Variants in ZNF532 observed in about 807,000 individuals in gnomAD.
ZNF532 encodes zinc finger protein 532.
ZNF532 carries 22 observed loss-of-function variants against 89.3 expected under a neutral mutation model. The ratio of observed to expected loss-of-function variants is 0.25; its 90% CI spans 0.18 to 0.35. ZNF532 has a LOEUF of 0.35. ZNF532 is among the 10% of genes least tolerant of loss of function. ZNF532 has a pLI of 1.00. For synonymous variants in ZNF532, 606 were observed against 649.6 expected, an observed-to-expected ratio of 0.93 and a Z score of 1.02; for missense variants, 1,132 against 1,643.4, an observed-to-expected ratio of 0.69 and a Z score of 5.38.
At chr18:58,909,068 A>T (rs1390122418) in intron 2 of ZNF532, among the ~76,000 whole-genome samples, 3 of 151,996 alleles carry the variant, frequency 2.0e-5, no homozygotes, top group African/African-American at 7.2e-5. Context: ...ATTCTCCTGC[A>T]TCAGCCTCCT....
In ZNF532 at chr18:58,984,262, G is replaced by A; in HGVS notation, c.3702G>A (p.Val1234=). The stretch of plus-strand genomic sequence containing the variant: ...ACAAGTTAAAGGAACCTCAGCCAGT[G>A]TCCAAGCAAAATGGGGCTGGGGAAG... ...IVHKLKEPQP[V]SKQNGAGEDN... The change falls in exon 10 of 10, where the codon GTG becomes GTA. Residue 1234 remains valine (V), a synonymous_variant. Transcript: ENST00000591808. 6.2e-7 allele frequency: 1 copy of A among 1,612,026 alleles called. No individual in the cohort carries two copies. The highest frequency in any genetic ancestry group is 1.1e-5 in the South Asian group (1 of 90,988).
At chr18:58,945,280 G>A (rs999134354) in intron 5 of ZNF532, among the ~76,000 whole-genome samples, 1 of 152,210 alleles carries the variant, frequency 6.6e-6, no homozygotes, top group African/African-American at 2.4e-5. Flanking sequence ...ATGTGCTCTT[G>A]GTGGCAATGC....
intron 5 of ZNF532, chr18:58,940,324 A>G (rs1161663302): frequency 2.6e-5 from 4 of 152,198 alleles, no homozygotes; most frequent in Admixed American, 6.5e-5. Context: ...GATGAAGGCA[A>G]CTTAAGACAC....
intron 3 of ZNF532, among the ~76,000 whole-genome samples, chr18:58,933,097 G>T (rs2062094200): frequency 6.6e-6 from 1 of 152,080 alleles, no homozygotes; most frequent in Admixed American, 6.6e-5. Flanking sequence ...ATGTTAACAG[G>T]ATCTGTTATT....
intron 7 of ZNF532, among the ~76,000 whole-genome samples, chr18:58,955,579 ATTTG>A (rs1297509070): frequency 6.6e-6 from 1 of 152,198 alleles, no homozygotes; most frequent in Non-Finnish European, 1.5e-5. Flanking sequence ...TATTTGTACT[ATTTG>A]TTTGAGCTGC....
At chr18:58,972,797 C>T (rs1386716318) in intron 7 of ZNF532, among the ~76,000 whole-genome samples, 1 of 152,230 alleles carries the variant, frequency 6.6e-6, no homozygotes, top group Non-Finnish European at 1.5e-5. Context: ...AAGCAGAGTT[C>T]CTCTGTGTCC....
At chr18:58,939,246 CAAAAA>C (rs71336307) in intron 4 of ZNF532, among the ~76,000 whole-genome samples, 194 bp from the exon 5 acceptor site, 64 of 34,494 alleles carry the variant, frequency 1.9e-3, no homozygotes, top group African/African-American at 4.7e-3. Context: ...GACGTTGTCT[CAAAAA>C]AAAAAAAAAA....
At chr18:58,977,146 C>T (rs1453145731) in intron 7 of ZNF532, among the ~76,000 whole-genome samples, 2 of 152,064 alleles carry the variant, frequency 1.3e-5, no homozygotes, top group Non-Finnish European at 2.9e-5. Flanking sequence ...TCTCCTTTGC[C>T]CTTGTTTGGA....
At chr18:58,962,775 G>A (rs2065489506) in intron 7 of ZNF532, among the ~76,000 whole-genome samples, 1 of 152,070 alleles carries the variant, frequency 6.6e-6, no homozygotes, top group Non-Finnish European at 1.5e-5. Context: ...CTAATTTTTT[G>A]TATTTTTAGT....
intron 2 of ZNF532, among the ~76,000 whole-genome samples, chr18:58,880,152 G>A (rs1178581667): frequency 6.6e-6 from 1 of 152,200 alleles, no homozygotes; most frequent in African/African-American, 2.4e-5. Flanking sequence ...AGAAGAAAGT[G>A]TGCAGAGGCC....
chr18:58,955,673 C>A (rs945377604), intron 7 of ZNF532, among the ~76,000 whole-genome samples: 1 of 152,150 alleles, frequency 6.6e-6, no homozygotes, highest in Non-Finnish European at 1.5e-5. Flanking sequence ...TCACAAATTG[C>A]AAAAAGATGT....
At chr18:58,901,365 G>A (rs1356780854) in intron 2 of ZNF532, among the ~76,000 whole-genome samples, 2 of 152,178 alleles carry the variant, frequency 1.3e-5, no homozygotes, top group Non-Finnish European at 2.9e-5. Flanking sequence ...GATTACAGGC[G>A]TGAGCCACTG....
At position 58,892,723 on chromosome 18, in the gene ZNF532, A is replaced by G. The variant is rs192079369; in HGVS notation, c.-17-25548A>G. Among the ~76,000 whole-genome samples, 223 of 152,384 alleles carry G rather than the reference A, an allele frequency of 1.5e-3. 1 individual carries two copies. The highest frequency in any genetic ancestry group is 5.1e-3 in the African/African-American group (214 of 41,596). On this transcript the variant is annotated intron_variant, in intron 2 of 9. Transcript: ENST00000591808. ...TGTGATGCAGAAGCAATGTTCGTGT[A>G]GAGATTTTGAATCTAAGAGGTTCTG...
chr18:58,934,806 C>T (rs556193197), intron 4 of ZNF532, among the ~76,000 whole-genome samples, 192 bp downstream of exon 4: 23 of 152,180 alleles, frequency 1.5e-4, no homozygotes, highest in East Asian at 5.8e-4. Flanking sequence ...CCTGCTGGTC[C>T]GCACAAAGTG....
intron 2 of ZNF532, among the ~76,000 whole-genome samples, chr18:58,888,838 A>AT (rs58068496): frequency 4.0e-5 from 2 of 49,888 alleles, no homozygotes; most frequent in African/African-American, 2.3e-4. Flanking sequence ...TTATATATAT[A>AT]ATTTATATAT....
At chr18:58,894,170 A>C (rs994380418) in intron 2 of ZNF532, among the ~76,000 whole-genome samples, 1 of 152,136 alleles carries the variant, frequency 6.6e-6, no homozygotes, top group Non-Finnish European at 1.5e-5. Flanking sequence ...TTGCCATTGA[A>C]AGTAGACTTT....
intron 5 of ZNF532, among the ~76,000 whole-genome samples, chr18:58,941,555 T>TGGGCTCAC (rs1194416383): frequency 2.0e-5 from 3 of 147,174 alleles, no homozygotes; most frequent in African/African-American, 7.5e-5. Flanking sequence ...CTTGACCTCC[T>TGGGCTCAC]GGGCTCAGGT....
At chr18:58,888,855 TTTA>T (rs1568248240) in intron 2 of ZNF532, among the ~76,000 whole-genome samples, 114 of 39,112 alleles carry the variant, frequency 2.9e-3, no homozygotes, top group South Asian at 6.2e-3. Context: ...ATATATATAA[TTTA>T]TATATATATA....
chr18:58,913,605 A>AAT (rs145358654), intron 2 of ZNF532, among the ~76,000 whole-genome samples: 20,151 of 151,136 alleles, frequency 0.13, 2,101 homozygotes, highest in East Asian at 0.4. Context: ...GAAAGGAAAA[A>AAT]ATATATATAT....
Sources: gnomAD v4.1 joint callset for allele counts (sites outside exome capture counted in the v4.1 genomes callset) on GRCh38, gnomAD v4.1.1 for gene constraint, MANE v1.5 for transcripts, NCBI Gene and HGNC (gene_info 2026-07-23, HGNC 2026-07-21) for gene names.